Variants in RNF2 observed in about 807,000 individuals in gnomAD.
RNF2 encodes the protein ring finger protein 2, also known as E3 ubiquitin-protein ligase RING2.
A neutral mutation model predicts 37.2 loss-of-function variants in RNF2; 6 were observed. That is an observed-to-expected ratio of 0.16 (90% CI 0.09 to 0.32). The LOEUF is 0.32. Ranked by LOEUF, RNF2 falls within the 10% of genes least tolerant of loss-of-function variation. RNF2 has a pLI of 1.00. For missense variants in RNF2, 251 were observed against 404.0 expected, an observed-to-expected ratio of 0.62 and a Z score of 3.25; for synonymous variants, 133 against 132.7, an observed-to-expected ratio of 1.00 and a Z score of -0.02.
At chr1:185,067,191 A>G (rs1473563401) in intron 1 of RNF2, among the ~76,000 whole-genome samples, 2 of 152,360 alleles carry the variant, frequency 1.3e-5, no homozygotes, top group Admixed American at 6.5e-5. Flanking sequence ...AGTATTCCAG[A>G]TGTTCAGTAC....
chr1:185,100,429 A>G lies in RNF2; in HGVS notation c.*128A>G, dbSNP rs1046592. The G allele has an allele frequency of 0.11, 53,238 of 499,814 alleles. 4,447 individuals carry two copies. The highest frequency in any genetic ancestry group is 0.35 in the East Asian group (10,704 of 30,960). The allele number at this position is 499,814 out of a possible 1,614,324, so 31.0% of individuals were successfully genotyped here. A position where few individuals can be genotyped will look rare whatever the true frequency, so the allele number is the denominator to read the frequency against. On this transcript the variant is annotated 3_prime_UTR_variant, in exon 7 of 7. Transcript: ENST00000367510. The stretch of plus-strand genomic sequence containing the variant: ...TTCAATTTTCTTTCTGAGCCAGACT[A>G]GTTTACGCTATTCAAATCTTTTCCC...
At position 185,076,268 on chromosome 1, in the gene RNF2, GTTTTTTTTTTTTTTTTTTTTTTTTTTTT is replaced by G. The variant is rs71101959; in HGVS notation, c.-2-11271_-2-11244del. On this transcript the variant is annotated intron_variant, in intron 1 of 6. Transcript: ENST00000367510. ...TTTTCTTCTAGATCTTTTATGGGTTGTTTTTTTTTTTTTTTTTTTTTTTTTTTTTTTTTTTTTTTTGAGACAGAGTCTC... is the reference window on the plus strand; with the variant it reads ...TTTTCTTCTAGATCTTTTATGGGTTGTTTTTTTTTTTTGAGACAGAGTCTC... Among the ~76,000 whole-genome samples the G allele has an allele frequency of 4.0e-4, 11 of 27,348 alleles. No homozygotes were observed. The East Asian group carries it at 8.9e-3, about 22-fold the overall frequency. 17.9% of individuals were successfully genotyped at this position (27,348 alleles called of 152,430 possible). A position where few individuals can be genotyped will look rare whatever the true frequency, so the allele number is the denominator to read the frequency against.
intron 1 of RNF2, among the ~76,000 whole-genome samples, chr1:185,081,312 A>G (rs1651341800): frequency 6.6e-6 from 1 of 152,086 alleles, no homozygotes; most frequent in Admixed American, 6.6e-5. Flanking sequence ...AAAGTTGTCA[A>G]GATGCTTGAA....
Position 185,051,766 on chromosome 1 carries a change from T to C in RNF2, c.-3+6117T>C, listed in dbSNP as rs147501926. The stretch of plus-strand genomic sequence containing the variant: ...TTTTTTCATCTTTCAGAATTTTTTA[T>C]TGAGGTATAACAACTGTATACAAAA... On this transcript the variant is annotated intron_variant, in intron 1 of 6. Coordinates refer to ENST00000367510, the MANE Select transcript of RNF2 (RefSeq NM_007212.4). Among the ~76,000 whole-genome samples the C allele has an allele frequency of 3.0e-4, 45 of 151,038 alleles. No individual in the cohort carries two copies. The East Asian group carries it at 8.5e-3, about 29-fold the overall frequency.
intron 1 of RNF2, among the ~76,000 whole-genome samples, chr1:185,061,053 G>A (rs1340057787): frequency 6.6e-6 from 1 of 151,988 alleles, no homozygotes; most frequent in African/African-American, 2.4e-5. Flanking sequence ...GGAGTTTGAG[G>A]TTACAGTGAG....
At chr1:185,093,601 A>G (rs1214989212) in intron 4 of RNF2, among the ~76,000 whole-genome samples, 2 of 152,078 alleles carry the variant, frequency 1.3e-5, no homozygotes, top group Non-Finnish European at 2.9e-5. Context: ...ACCCCATCAT[A>G]TTGCTCTTAT....
chr1:185,074,261 T>C (rs1416605839), intron 1 of RNF2, among the ~76,000 whole-genome samples: 2 of 152,092 alleles, frequency 1.3e-5, no homozygotes, highest in Non-Finnish European at 2.9e-5. Flanking sequence ...TTAATGGAGA[T>C]TCCATTACAT....
intron 1 of RNF2, among the ~76,000 whole-genome samples, chr1:185,057,522 G>A (rs1451296606): frequency 6.6e-6 from 1 of 152,110 alleles, no homozygotes; most frequent in Non-Finnish European, 1.5e-5. Context: ...AAGTAAAGCA[G>A]TACCTGTTGT....
chr1:185,088,133 GA>G (rs1349674043), intron 2 of RNF2, among the ~76,000 whole-genome samples: 1 of 152,154 alleles, frequency 6.6e-6, no homozygotes, highest in Non-Finnish European at 1.5e-5. Flanking sequence ...ATATTAGTCT[GA>G]ACTAAATACA....
intron 1 of RNF2, among the ~76,000 whole-genome samples, chr1:185,087,062 TTTC>T (rs1241341926): frequency 2.0e-5 from 3 of 152,236 alleles, no homozygotes; most frequent in Admixed American, 6.5e-5. Flanking sequence ...ATTTTGAGTT[TTTC>T]TTCTTTTTAA....
intron 1 of RNF2, among the ~76,000 whole-genome samples, chr1:185,076,227 T>G (rs934379313): frequency 1.3e-4 from 20 of 149,716 alleles, no homozygotes; most frequent in Non-Finnish European, 2.5e-4. Context: ...TGTATCTTGC[T>G]TTTAGGCTGC....
intron 1 of RNF2, among the ~76,000 whole-genome samples, chr1:185,067,116 A>G (rs141545513): frequency 6.6e-6 from 1 of 152,350 alleles, no homozygotes; most frequent in East Asian, 1.9e-4. Context: ...GATACAATCA[A>G]ATTAGGAATT....
Position 185,102,230 on chromosome 1 carries a change from A to T in RNF2, c.*1929A>T, listed in dbSNP as rs1171339007. ...TATAATTCTAGGTATTTGATAGGGT[A>T]TTGAGTGTATTTTGTGTGTGTGTGG... On this transcript the variant is annotated 3_prime_UTR_variant, in exon 7 of 7. Coordinates refer to ENST00000367510, the MANE Select transcript of RNF2 (RefSeq NM_007212.4). 1 of 152,000 alleles carries T rather than the reference A, an allele frequency of 6.6e-6. No individual in the cohort carries two copies. The highest frequency in any genetic ancestry group is 2.4e-5 in the African/African-American group (1 of 41,406). 9.4% of individuals were successfully genotyped at this position (152,000 alleles called of 1,614,324 possible).
At chr1:185,063,438 CTT>C (rs551210522) in intron 1 of RNF2, among the ~76,000 whole-genome samples, 1 of 152,162 alleles carries the variant, frequency 6.6e-6, no homozygotes, top group African/African-American at 2.4e-5. Context: ...GAGGAAGACT[CTT>C]TTCCTGTGAG....
At chr1:185,099,701 T>C (rs1652021254) in intron 5 of RNF2, 90 bp from the exon 6 acceptor site, 2 of 1,087,384 alleles carry the variant, frequency 1.8e-6, no homozygotes, top group Non-Finnish European at 1.3e-6. Context: ...TTTACTTAGT[T>C]TTTAAGAAAT....
chr1:185,094,522 A>G (rs1297815411), intron 4 of RNF2, among the ~76,000 whole-genome samples: 2 of 152,088 alleles, frequency 1.3e-5, no homozygotes, highest in African/African-American at 4.8e-5. Context: ...TCTCCATAGT[A>G]TATCCAGATT....
intron 1 of RNF2, among the ~76,000 whole-genome samples, chr1:185,085,145 C>CTTTTTTTTTTTTTTTTTTTT (rs71555455): frequency 1.9e-5 from 2 of 103,222 alleles, no homozygotes; most frequent in Non-Finnish European, 3.7e-5. Flanking sequence ...CTTTCTTTTT[C>CTTTTTTTTTTTTTTTTTTTT]TTTTTTTTTT....
chr1:185,074,898 G>C (rs1278935422), intron 1 of RNF2, among the ~76,000 whole-genome samples: 1 of 152,164 alleles, frequency 6.6e-6, no homozygotes, highest in Non-Finnish European at 1.5e-5. Flanking sequence ...AGTATCCATG[G>C]ATTTTGGTAT....
chr1:185,078,675 C>T (rs768430145), intron 1 of RNF2, among the ~76,000 whole-genome samples: 2 of 152,128 alleles, frequency 1.3e-5, no homozygotes, highest in South Asian at 2.1e-4. Flanking sequence ...TTTGGGAGGC[C>T]GAGGTGGGCG....
Sources: gnomAD v4.1 joint callset for allele counts (sites outside exome capture counted in the v4.1 genomes callset) on GRCh38, gnomAD v4.1.1 for gene constraint, MANE v1.5 for transcripts, NCBI Gene and HGNC (gene_info 2026-07-23, HGNC 2026-07-21) for gene names.